PRKX: variants seen among roughly 807,000 people sequenced by gnomAD.
PRKX encodes cAMP-dependent protein kinase catalytic subunit PRKX.
A neutral mutation model predicts 22.0 loss-of-function variants in PRKX; 12 were observed. The observed-to-expected ratio is 0.54, with a 90% CI of 0.35 to 0.88. The LOEUF (loss-of-function observed/expected upper bound fraction) is 0.88. Ranked by LOEUF, PRKX falls within the 40% of genes least tolerant of loss-of-function variation. The pLI is 0.01. For synonymous variants in PRKX, 134 were observed against 137.7 expected, an observed-to-expected ratio of 0.97 and a Z score of 0.19; for missense variants, 217 against 308.0, an observed-to-expected ratio of 0.70 and a Z score of 2.21.
At chrX:3,711,900 T>C (rs1603475023) in intron 1 of PRKX, among the ~76,000 whole-genome samples, 1 of 107,119 alleles carries the variant, frequency 9.3e-6, no homozygotes, top group Non-Finnish European at 1.9e-5. Context: ...GAGAATGAGA[T>C]AAAGAGGAGG....
At chrX:3,638,890 A>G (rs1339110938) in intron 4 of PRKX, among the ~76,000 whole-genome samples, 1 of 105,573 alleles carries the variant, frequency 9.5e-6, no homozygotes, top group Admixed American at 1.1e-4. Flanking sequence ...AAGTAGATGG[A>G]TAGATTGGTA....
intron 7 of PRKX, among the ~76,000 whole-genome samples, chrX:3,613,877 AAAAGAAG>A (rs1569229342): frequency 2.1e-5 from 2 of 95,378 alleles, no homozygotes; most frequent in East Asian, 3.4e-4. Flanking sequence ...AAAAAAAAAA[AAAAGAAG>A]CGTATCATCC....
chrX:3,643,504 G>A (rs1399342053), intron 3 of PRKX, among the ~76,000 whole-genome samples: 2 of 111,037 alleles, frequency 1.8e-5, no homozygotes, highest in Admixed American at 9.6e-5. Flanking sequence ...CTCCATTGGC[G>A]CTCTACTGCT....
At chrX:3,610,692 A>T (rs1219683958) in intron 8 of PRKX, among the ~76,000 whole-genome samples, 2 of 110,934 alleles carry the variant, frequency 1.8e-5, no homozygotes, top group African/African-American at 6.6e-5. Flanking sequence ...CACTGATTAT[A>T]TGACAAAAAT....
Position 3,638,745 on chromosome X carries a change from A to G in PRKX, c.719+3107T>C, listed in dbSNP as rs192642551. 4.2e-3 allele frequency among the ~76,000 whole-genome samples: 467 copies of G among 110,738 alleles called. 3 individuals are homozygous for G. The highest frequency in any genetic ancestry group is 0.014 in the African/African-American group (437 of 30,407). Reference sequence around the variant, plus strand: ...GGATAGGTAGGTAAGTAGATGATTGATAAATACATAGATATATAGAAAAGC... The same window carrying G: ...GGATAGGTAGGTAAGTAGATGATTGGTAAATACATAGATATATAGAAAAGC... On this transcript the variant is annotated intron_variant, in intron 4 of 8. Coordinates refer to ENST00000262848, the MANE Select transcript of PRKX (RefSeq NM_005044.5).
At chrX:3,648,606 CTGTGTG>C (rs58698248) in intron 3 of PRKX, among the ~76,000 whole-genome samples, 819 of 72,210 alleles carry the variant, frequency 0.011, 6 homozygotes, top group African/African-American at 0.03. Flanking sequence ...CTCTCTACTC[CTGTGTG>C]TGTGTGTGTG....
chrX:3,635,973 G>T lies in PRKX; in HGVS notation c.719+5879C>A, dbSNP rs72622507. 7.4e-3 allele frequency among the ~76,000 whole-genome samples: 825 copies of T among 111,930 alleles called. 20 individuals carry two copies. Among genetic ancestry groups the T allele is most frequent in the Admixed American group, 0.058 (614 of 10,506 alleles). On this transcript the variant is annotated intron_variant, in intron 4 of 8. Transcript: ENST00000262848. Reference sequence around the variant, plus strand: ...GAAAGAGAATAGGATGGAAGAAATCGGAGCTGAGCTTGGGTCCTTGGAAAG... The same window carrying T: ...GAAAGAGAATAGGATGGAAGAAATCTGAGCTGAGCTTGGGTCCTTGGAAAG...
intron 3 of PRKX, among the ~76,000 whole-genome samples, chrX:3,645,879 A>G (rs921157746): frequency 4.6e-4 from 52 of 112,587 alleles, no homozygotes; most frequent in African/African-American, 1.7e-3. Context: ...AGCTGCAGTG[A>G]GCCATGATCG....
At position 3,697,820 on chromosome X, in the gene PRKX, G is replaced by A. The variant is rs149012696; in HGVS notation, c.166+15268C>T. Among the ~76,000 whole-genome samples the A allele has an allele frequency of 3.2e-3, 361 of 111,717 alleles. 1 individual carries two copies. Among genetic ancestry groups the A allele is most frequent in the African/African-American group, 0.011 (344 of 30,728 alleles). On this transcript the variant is annotated intron_variant, in intron 1 of 8. Coordinates refer to ENST00000262848, the MANE Select transcript of PRKX (RefSeq NM_005044.5). ...CCCGCCTCGGCCGCGCAAAATGCTG[G>A]GATGACAGGCATGGGCAACCGCACA...
chrX:3,659,230 G>C (rs1446771293), intron 2 of PRKX, among the ~76,000 whole-genome samples: 6 of 107,224 alleles, frequency 5.6e-5, no homozygotes, highest in Admixed American at 5.0e-4. Flanking sequence ...CTCCAACCTG[G>C]GTGACAGAGC....
At chrX:3,652,156 C>T (rs777132863) in intron 3 of PRKX, among the ~76,000 whole-genome samples, 1 of 110,870 alleles carries the variant, frequency 9.0e-6, no homozygotes, top group South Asian at 3.8e-4. Flanking sequence ...CGGTGGCTCA[C>T]ACCTGTAATC....
rs541931754 is a variant in PRKX, at chrX:3,712,899, G to A, written c.166+189C>T. Among the ~76,000 whole-genome samples, 69 of 112,848 alleles carry A rather than the reference G, an allele frequency of 6.1e-4. No homozygotes were observed. In the South Asian group the frequency reaches 0.024, roughly 39 times the overall value. ...GGTCGGGGGTACTTGCCTGGGCTGGGGGGCTGGGGAGTGCGCTCCACCCGG... is the reference window on the plus strand; with the variant it reads ...GGTCGGGGGTACTTGCCTGGGCTGGAGGGCTGGGGAGTGCGCTCCACCCGG... On this transcript the variant is annotated intron_variant, in intron 1 of 8. Transcript: ENST00000262848.
At chrX:3,635,390 A>C (rs1926867354) in intron 4 of PRKX, among the ~76,000 whole-genome samples, 1 of 111,168 alleles carries the variant, frequency 9.0e-6, no homozygotes, top group African/African-American at 3.3e-5. Context: ...ATTCATCACT[A>C]TTCAGATCTG....
At chrX:3,660,168 T>C (rs952264645) in intron 2 of PRKX, among the ~76,000 whole-genome samples, 1 of 111,982 alleles carries the variant, frequency 8.9e-6, no homozygotes, top group Non-Finnish European at 1.9e-5. Flanking sequence ...ATTTCACTGT[T>C]CTGGTGGGGA....
intron 1 of PRKX, among the ~76,000 whole-genome samples, chrX:3,693,898 C>CAT (rs1159297008): frequency 7.1e-5 from 7 of 98,855 alleles, no homozygotes; most frequent in African/African-American, 2.7e-4. Context: ...CGAGATTGCG[C>CAT]CACTGCACTC....
intron 1 of PRKX, among the ~76,000 whole-genome samples, chrX:3,682,627 G>A (rs1422228221): frequency 6.3e-5 from 7 of 111,741 alleles, no homozygotes; most frequent in African/African-American, 1.3e-4. Context: ...AGACACAGAC[G>A]CAGAGGGGAA....
At chrX:3,711,726 C>A (rs189604842) in intron 1 of PRKX, among the ~76,000 whole-genome samples, 17 of 109,982 alleles carry the variant, frequency 1.5e-4, no homozygotes, top group African/African-American at 5.7e-4. Context: ...TCCGGGGGGA[C>A]CAAGACAAGG....
chrX:3,675,127 T>C (rs1226240719), intron 1 of PRKX, among the ~76,000 whole-genome samples: 2 of 111,719 alleles, frequency 1.8e-5, no homozygotes, highest in African/African-American at 3.3e-5. Flanking sequence ...GGAGAAGCAT[T>C]AGAGTAATAG....
In PRKX at chrX:3,608,086, T is replaced by A. The variant is rs1926220365; in HGVS notation, c.*883A>T. 1 of 109,040 alleles carries A rather than the reference T, an allele frequency of 9.2e-6. No homozygotes were observed. The highest frequency in any genetic ancestry group is 1.0e-4 in the Admixed American group (1 of 10,039). 9.0% of individuals were successfully genotyped at this position (109,040 alleles called of 1,213,427 possible). On this transcript the variant is annotated 3_prime_UTR_variant, in exon 9 of 9. Transcript: ENST00000262848. ...TTGTAGAGATGAGGTCTCACCACGT[T>A]TCCCAGACTGGTCTCCAACTCCTGG...
Sources: allele counts gnomAD v4.1 joint callset (sites outside exome capture counted in the v4.1 genomes callset), GRCh38; gene constraint gnomAD v4.1.1; transcripts MANE v1.5; gene names NCBI Gene and HGNC (gene_info 2026-07-23, HGNC 2026-07-21).